The following SNX29 variants were observed in gnomAD, a reference collection of about 807,000 sequenced individuals.
SNX29 encodes the protein sorting nexin-29.
SNX29 carries 78 observed loss-of-function variants against 102.1 expected under a neutral mutation model. That is an observed-to-expected ratio of 0.76 (90% CI 0.64 to 0.92). SNX29 has a LOEUF of 0.92. SNX29 is among the 40% of genes least tolerant of loss of function. The probability of loss-of-function intolerance (pLI) is 0.00; values close to 1 mark genes in which losing one functional copy is unlikely to be tolerated. For synonymous variants in SNX29, 580 were observed against 414.5 expected (o/e 1.40, Z -4.85); for missense variants, 1,280 against 1,061.7 (o/e 1.21, Z -2.86).
At chr16:11,998,183 A>G (rs944319300) in intron 1 of SNX29, among the ~76,000 whole-genome samples, 2 of 152,194 alleles carry the variant, frequency 1.3e-5, no homozygotes, top group Admixed American at 1.3e-4. Flanking sequence ...CCTGATGGCA[A>G]TTCAACGCCT....
intron 19 of SNX29, among the ~76,000 whole-genome samples, chr16:12,499,775 A>G (rs575069984): frequency 6.6e-6 from 1 of 152,148 alleles, no homozygotes; most frequent in Non-Finnish European, 1.5e-5. Context: ...CCCTGTGCTC[A>G]GGTGATTCTC....
At chr16:12,296,808 C>T (rs537022999) in intron 15 of SNX29, among the ~76,000 whole-genome samples, 2 of 152,204 alleles carry the variant, frequency 1.3e-5, no homozygotes, top group African/African-American at 4.8e-5. Flanking sequence ...ACGTGGTTAT[C>T]GCCACTTAAC....
chr16:12,313,506 G>A (rs1487714174), intron 15 of SNX29, among the ~76,000 whole-genome samples: 3 of 152,212 alleles, frequency 2.0e-5, no homozygotes, highest in Admixed American at 6.5e-5. Context: ...CCTGCCAGAT[G>A]AGAAGTGCCC....
At chr16:12,409,785 C>T (rs762738408) in intron 18 of SNX29, among the ~76,000 whole-genome samples, 3 of 152,138 alleles carry the variant, frequency 2.0e-5, no homozygotes, top group Non-Finnish European at 4.4e-5. Context: ...AGTGTACTTA[C>T]CTGAGATCTT....
intron 16 of SNX29, among the ~76,000 whole-genome samples, chr16:12,386,278 A>G (rs2083338122): frequency 6.6e-6 from 1 of 152,210 alleles, no homozygotes; most frequent in Admixed American, 6.5e-5. Context: ...AGCCAAGGTC[A>G]CACTTGCCGA....
chr16:12,245,326 T>TA (rs939739287), intron 14 of SNX29, among the ~76,000 whole-genome samples: 4 of 152,150 alleles, frequency 2.6e-5, no homozygotes, highest in Admixed American at 2.0e-4. Context: ...GTTGAGGTGT[T>TA]ACGTACATGA....
chr16:12,518,549 C>T (rs908477170), intron 19 of SNX29, among the ~76,000 whole-genome samples: 9 of 152,196 alleles, frequency 5.9e-5, no homozygotes, highest in Admixed American at 1.3e-4. Flanking sequence ...TGCAGTGACA[C>T]GCTCTCTCCA....
At chr16:12,291,197 G>A (rs556374725) in intron 15 of SNX29, among the ~76,000 whole-genome samples, 32 of 152,110 alleles carry the variant, frequency 2.1e-4, no homozygotes, top group Admixed American at 9.8e-4. Context: ...CCATTGTCAC[G>A]GTGCTGATAA....
chr16:12,066,844 T>C (rs999955587), intron 9 of SNX29, among the ~76,000 whole-genome samples: 3 of 151,818 alleles, frequency 2.0e-5, no homozygotes, highest in South Asian at 2.1e-4. Context: ...TGGGGTGAGT[T>C]GATGCCACCC....
At chr16:12,129,461 A>G (rs896616830) in intron 12 of SNX29, among the ~76,000 whole-genome samples, 169 bp from the exon 13 acceptor site, 1 of 152,228 alleles carries the variant, frequency 6.6e-6, no homozygotes, top group Non-Finnish European at 1.5e-5. Context: ...AAGGCTATCA[A>G]TTAGAGTTTG....
intron 20 of SNX29, among the ~76,000 whole-genome samples, chr16:12,560,365 G>C (rs181130770): frequency 6.3e-4 from 96 of 152,254 alleles, no homozygotes; most frequent in Non-Finnish European, 1.1e-3. Flanking sequence ...TCTGGTGACA[G>C]GTTGTGCGCT....
Position 12,048,358 on chromosome 16 carries a change from C to T in SNX29, c.500-14C>T, listed in dbSNP as rs769188603. 1 of 1,613,600 alleles carries T rather than the reference C, an allele frequency of 6.2e-7. No individual in the cohort carries two copies. Among genetic ancestry groups the T allele is most frequent in the Admixed American group, 1.7e-5 (1 of 59,978 alleles). ...ATCAGCAAGCACTCCAGACTTTTCC[C>T]TTTTTTTGGGCAGGTCTGAACTCCA... On this transcript the variant is annotated splice_polypyrimidine_tract_variant and intron_variant, in intron 6 of 20. Transcript: ENST00000566228.
chr16:12,432,607 C>T (rs1166285912), intron 18 of SNX29, among the ~76,000 whole-genome samples: 4 of 152,232 alleles, frequency 2.6e-5, no homozygotes, highest in Non-Finnish European at 1.5e-5. Context: ...CAACGCCACA[C>T]ACGTGCCGCG....
At chr16:11,979,460 G>A (rs2055369661) in intron 1 of SNX29, among the ~76,000 whole-genome samples, 1 of 152,290 alleles carries the variant, frequency 6.6e-6, no homozygotes, top group Non-Finnish European at 1.5e-5. Flanking sequence ...TGTTTCTTGA[G>A]AATGCAGTTG....
At chr16:12,454,754 C>G (rs1170556784) in intron 18 of SNX29, among the ~76,000 whole-genome samples, 2 of 152,004 alleles carry the variant, frequency 1.3e-5, no homozygotes, top group Non-Finnish European at 2.9e-5. Flanking sequence ...GAGTCTCACC[C>G]TGTCACCCAG....
intron 18 of SNX29, 131 bp downstream of exon 18, chr16:12,403,660 T>C: frequency 1.2e-6 from 1 of 856,498 alleles, no homozygotes; most frequent in Non-Finnish European, 1.9e-6. Flanking sequence ...GACACCCACA[T>C]CTTAACTGCC....
chr16:12,041,357 T>A (rs2049873621), intron 4 of SNX29, among the ~76,000 whole-genome samples: 1 of 152,168 alleles, frequency 6.6e-6, no homozygotes, highest in Non-Finnish European at 1.5e-5. Flanking sequence ...GATGATCCGC[T>A]CGCATCGGCC....
At chr16:12,533,076 A>C (rs2076974964) in intron 20 of SNX29, among the ~76,000 whole-genome samples, 1 of 152,236 alleles carries the variant, frequency 6.6e-6, no homozygotes, top group Non-Finnish European at 1.5e-5. Context: ...TGCAAGCCAC[A>C]GCCCACATCA....
intron 18 of SNX29, among the ~76,000 whole-genome samples, chr16:12,447,555 C>G (rs1211679815): frequency 6.6e-6 from 1 of 152,194 alleles, no homozygotes; most frequent in Non-Finnish European, 1.5e-5. Flanking sequence ...GGGAAGAAGA[C>G]AGTGTAAACC....
Sources: allele counts gnomAD v4.1 joint callset (sites outside exome capture counted in the v4.1 genomes callset), GRCh38; gene constraint gnomAD v4.1.1; transcripts MANE v1.5; gene names NCBI Gene and HGNC (gene_info 2026-07-23, HGNC 2026-07-21).